NIBAN3: variants seen among roughly 807,000 people sequenced by gnomAD.
NIBAN3 encodes niban apoptosis regulator 3, also known as protein Niban 3.
Under a neutral mutation model 76.4 loss-of-function variants are expected in NIBAN3, and 66 were observed. The observed-to-expected ratio is 0.86, with a 90% confidence interval of 0.71 to 1.06. NIBAN3 has a LOEUF of 1.06. Ranked by LOEUF, NIBAN3 falls within the 50% of genes least tolerant of loss-of-function variation. The pLI is 0.00. For missense variants in NIBAN3, 808 were observed against 810.7 expected (o/e 1.00, Z 0.04); for synonymous variants, 360 against 355.2 (o/e 1.01, Z -0.15).
chr19:17,552,026 A>C lies in NIBAN3; in HGVS notation c.*128A>C. On this transcript the variant is annotated 3_prime_UTR_variant, in exon 15 of 15. Transcript: ENST00000599164. The stretch of plus-strand genomic sequence containing the variant: ...ACTTCAGAAAACTGTACCATTTTAT[A>C]CTCCAAGCAGCAGCATTTATTTGTG... 1 of 506,536 alleles carries C rather than the reference A, an allele frequency of 2.0e-6. No individual in the cohort carries two copies. Among genetic ancestry groups the C allele is most frequent in the Non-Finnish European group, 3.6e-6 (1 of 278,110 alleles). 31.4% of individuals were successfully genotyped at this position (506,536 alleles called of 1,614,324 possible).
At chr19:17,532,207 G>C in intron 2 of NIBAN3, 56 bp from the exon 3 acceptor site, 2 of 1,561,012 alleles carry the variant, frequency 1.3e-6, no homozygotes, top group Non-Finnish European at 1.7e-6. Context: ...GGGTGGTCGG[G>C]CCACAGGGAC....
rs1370845906 is a variant in NIBAN3 at position 17,550,173 on chromosome 19, TC to T, written c.1750+648del. ...TAGGGGGCATCTCCCAATGGCTACTTCCTGTCGCCAACTTGGAAAGGGAGAT... is the reference window on the plus strand; with the variant it reads ...TAGGGGGCATCTCCCAATGGCTACTTCTGTCGCCAACTTGGAAAGGGAGAT... On this transcript the variant is annotated intron_variant, in intron 14 of 14. Transcript: ENST00000599164. 1.4e-4 allele frequency among the ~76,000 whole-genome samples: 22 copies of T among 152,246 alleles called. No individual in the cohort carries two copies. In the East Asian group the frequency reaches 3.9e-3, roughly 27 times the overall value.
intron 13 of NIBAN3, among the ~76,000 whole-genome samples, chr19:17,547,890 C>A (rs1203612760): frequency 1.3e-5 from 2 of 152,140 alleles, no homozygotes; most frequent in African/African-American, 2.4e-5. Flanking sequence ...TGGTCTCGAA[C>A]TCATGACCTC....
Position 17,537,316 on chromosome 19 carries a change from A to G in NIBAN3, c.428-60A>G, listed in dbSNP as rs201341998. On this transcript the variant is annotated intron_variant, in intron 4 of 14. Coordinates refer to ENST00000599164, the MANE Select transcript of NIBAN3 (RefSeq NM_001321827.2). Reference sequence around the variant, plus strand: ...TGCCAGGGACTGCTGTATGCATTTCAGGGGTATTTTCTCCTAGTGAATGAA... The same window carrying G: ...TGCCAGGGACTGCTGTATGCATTTCGGGGGTATTTTCTCCTAGTGAATGAA... 161 of 1,533,238 alleles carry G rather than the reference A, an allele frequency of 1.1e-4. 1 individual carries two copies. Among genetic ancestry groups the G allele is most frequent in the Middle Eastern group, 8.6e-4 (5 of 5,824 alleles). The allele number at this position is 1,533,238 out of a possible 1,614,324, so 95.0% of individuals were successfully genotyped here.
upstream of NIBAN3, chr19:17,523,309 G>A (rs1410550471): frequency 1.2e-6 from 1 of 815,046 alleles, no homozygotes; most frequent in East Asian, 3.0e-5. Flanking sequence ...CGGCTGAGCA[G>A]GAGATGGGAA....
intron 8 of NIBAN3, 42 bp from the exon 9 acceptor site, chr19:17,540,350 A>G (rs2075922736): frequency 1.4e-6 from 2 of 1,381,538 alleles, no homozygotes; most frequent in Admixed American, 2.9e-5. Flanking sequence ...TCTGTGAGGC[A>G]CCTTGCGGAG....
chr19:17,542,367 C>T lies in NIBAN3; in HGVS notation c.1329+73C>T. On this transcript the variant is annotated intron_variant, in intron 10 of 14. Transcript: ENST00000599164. The surrounding 1 kb of genome is among the most constrained non-coding windows in gnomAD (Gnocchi z 4.8). ...TCCACTGACCTCCTGCTAAGTGTGC[C>T]CTGGAGAGACCACGATGATCGAGAC... 6 of 1,454,766 alleles carry T rather than the reference C, an allele frequency of 4.1e-6. No individual in the cohort carries two copies. Among genetic ancestry groups the T allele is most frequent in the Non-Finnish European group, 5.6e-6 (6 of 1,080,564 alleles). The allele number at this position is 1,454,766 out of a possible 1,614,324, so 90.1% of individuals were successfully genotyped here. A position where few individuals can be genotyped will look rare whatever the true frequency, so the allele number is the denominator to read the frequency against.
At position 17,547,335 on chromosome 19, in the gene NIBAN3, A is replaced by G. The variant is rs1261633630; in HGVS notation, c.1666+538A>G. On this transcript the variant is annotated intron_variant, in intron 13 of 14. Transcript: ENST00000599164. ...CGCCACTGCACTGCAGCCTGGCGAC[A>G]GAACGAGACTATGTCTTTTTTTTTT... is the stretch of plus-strand genomic sequence containing the variant. Among the ~76,000 whole-genome samples the G allele has an allele frequency of 5.0e-5, 7 of 139,654 alleles. No homozygotes were observed. The East Asian group carries it at 1.6e-3, about 32-fold the overall frequency. The allele number at this position is 139,654 out of a possible 152,430, so 91.6% of individuals were successfully genotyped here.
At chr19:17,539,863 A>C in intron 8 of NIBAN3, 98 bp downstream of exon 8, 1 of 948,832 alleles carries the variant, frequency 1.1e-6, no homozygotes, top group Non-Finnish European at 1.5e-6. Flanking sequence ...AGTTATGTAA[A>C]ATGGGGGCGT....
Position 17,549,529 on chromosome 19 carries a change from T to C in NIBAN3, c.1750+2T>C. The C allele has an allele frequency of 1.2e-6, 2 of 1,611,624 alleles. No homozygotes were observed. Among genetic ancestry groups the C allele is most frequent in the Non-Finnish European group, 1.7e-6 (2 of 1,177,872 alleles). ...TCCCATGGGAACAGGAGGGAGCAGG[T>C]GGGGAACTTCACAGGCTTCTGAAAC... On this transcript the variant is annotated splice_donor_variant, in intron 14 of 14. Transcript: ENST00000599164. LOFTEE classifies it high-confidence loss of function.
At chr19:17,531,950 T>C (rs4544358) in intron 2 of NIBAN3, among the ~76,000 whole-genome samples, 122,140 of 152,208 alleles carry the variant, frequency 0.8, 49,548 homozygotes, top group Middle Eastern at 0.92. Flanking sequence ...AATGGCCTTC[T>C]CGAGGTCACA....
In NIBAN3 at chr19:17,548,293, G is replaced by T. The variant is rs573240249; in HGVS notation, c.1667-1151G>T. On this transcript the variant is annotated intron_variant, in intron 13 of 14. Transcript: ENST00000599164. Reference sequence around the variant, plus strand: ...TGGAGGCTGCTGGAAGATGCGCAAGGCCTTGAATGACAGGCAGAGGAATTT... The same window carrying T: ...TGGAGGCTGCTGGAAGATGCGCAAGTCCTTGAATGACAGGCAGAGGAATTT... 2.6e-5 allele frequency among the ~76,000 whole-genome samples: 4 copies of T among 152,308 alleles called. No homozygotes were observed. In the South Asian group the frequency reaches 8.3e-4, roughly 32 times the overall value.
At chr19:17,527,417 A>G in intron 1 of NIBAN3, 22 bp downstream of exon 1, 23 of 763,252 alleles carry the variant, frequency 3.0e-5, no homozygotes, top group Non-Finnish European at 3.4e-5. Flanking sequence ...GGGAGGGGAC[A>G]GGGTGGGAGT....
At chr19:17,528,814 C>T (rs1030554581) in intron 1 of NIBAN3, among the ~76,000 whole-genome samples, 7 of 152,068 alleles carry the variant, frequency 4.6e-5, no homozygotes, top group African/African-American at 1.7e-4. Context: ...ATTGGGTCTA[C>T]ATTCCATGCA....
chr19:17,546,195 T>C (rs1044860985), intron 12 of NIBAN3: 3 of 166,232 alleles, frequency 1.8e-5, no homozygotes, highest in Non-Finnish European at 2.6e-5. Flanking sequence ...TATTATAATA[T>C]TGGAATAAAG....
rs776098307 is a variant in NIBAN3, at chr19:17,553,475, T to C, written c.*1577T>C. On this transcript the variant is annotated 3_prime_UTR_variant, in exon 15 of 15. Transcript: ENST00000599164. ...TTCCACAGGGATTCCCGTGTGTTCT[T>C]GGTTCAGCTTGCAGAGGGACTTTCA... 5 of 1,614,214 alleles carry C rather than the reference T, an allele frequency of 3.1e-6. No individual in the cohort carries two copies. The highest frequency in any genetic ancestry group is 3.4e-6 in the Non-Finnish European group (4 of 1,180,048).
intron 12 of NIBAN3, 94 bp downstream of exon 12, chr19:17,543,725 G>T (rs2075999062): frequency 8.4e-6 from 9 of 1,071,996 alleles, no homozygotes; most frequent in Admixed American, 2.3e-5. Context: ...GGGCGCAGTG[G>T]CTCATGCCTG....
chr19:17,539,298 C>A, intron 6 of NIBAN3, 33 bp downstream of exon 6: 1 of 1,566,326 alleles, frequency 6.4e-7, no homozygotes, highest in Non-Finnish European at 8.6e-7. Flanking sequence ...CCCGGGACCC[C>A]CAGGACCCTC....
chr19:17,553,144 T>G lies in NIBAN3; in HGVS notation c.*1246T>G. ...GTAGTTTTTTTTTTTTTAATTTCAG[T>G]GAATTGCCTGTTCATAGCTTTTTTC... On this transcript the variant is annotated 3_prime_UTR_variant, in exon 15 of 15. Coordinates refer to ENST00000599164, the MANE Select transcript of NIBAN3 (RefSeq NM_001321827.2). 1.0e-6 allele frequency: 1 copy of G among 964,776 alleles called. No homozygotes were observed. Among genetic ancestry groups the G allele is most frequent in the African/African-American group, 1.6e-5 (1 of 60,664 alleles). The allele number at this position is 964,776 out of a possible 1,614,324, so 59.8% of individuals were successfully genotyped here.
Sources: allele counts gnomAD v4.1 joint callset (sites outside exome capture counted in the v4.1 genomes callset), GRCh38; gene constraint gnomAD v4.1.1; non-coding constraint Gnocchi (gnomAD v3.1); transcripts MANE v1.5; gene names NCBI Gene and HGNC (gene_info 2026-07-23, HGNC 2026-07-21).